Variants in NADK2 observed in about 807,000 individuals in gnomAD.
The protein encoded by NADK2 is NAD kinase 2, mitochondrial, also known as NAD kinase domain-containing protein 1, mitochondrial.
A neutral mutation model predicts 62.1 loss-of-function variants in NADK2; 35 were observed. The ratio of observed to expected loss-of-function variants is 0.56; its 90% CI spans 0.43 to 0.75. The LOEUF (loss-of-function observed/expected upper bound fraction) is 0.75, where lower values mean the gene tolerates loss of function less well. NADK2 is among the 30% of genes least tolerant of loss of function. The probability of loss-of-function intolerance (pLI) is 0.00; values close to 1 mark genes in which losing one functional copy is unlikely to be tolerated. For missense variants in NADK2, 439 were observed against 561.3 expected (o/e 0.78, Z 2.20); for synonymous variants, 205 against 207.9 (o/e 0.99, Z 0.12).
At chr5:36,213,828 A>G (rs1384140704) in intron 6 of NADK2, among the ~76,000 whole-genome samples, 1 of 152,020 alleles carries the variant, frequency 6.6e-6, no homozygotes, top group East Asian at 1.9e-4. Flanking sequence ...CAGATTTCCT[A>G]CAAATGCTCA....
chr5:36,238,465 T>C (rs1747989105), intron 1 of NADK2, among the ~76,000 whole-genome samples: 1 of 152,236 alleles, frequency 6.6e-6, no homozygotes, highest in Admixed American at 6.5e-5. Flanking sequence ...TTATTTGTTC[T>C]ACATTAAAAT....
intron 3 of NADK2, 75 bp from the exon 4 acceptor site, chr5:36,225,698 T>C: frequency 7.1e-7 from 1 of 1,401,306 alleles, no homozygotes; most frequent in Non-Finnish European, 1.0e-6. Flanking sequence ...ATTTTGAAAA[T>C]CAGTAGTTTT....
chr5:36,203,939 TG>T (rs1411131348), intron 8 of NADK2, among the ~76,000 whole-genome samples: 3 of 152,230 alleles, frequency 2.0e-5, no homozygotes, highest in Middle Eastern at 3.4e-3. Context: ...ATTTAAAAAT[TG>T]ACCTTCCCTT....
chr5:36,217,513 T>C (rs1052826341), intron 6 of NADK2, among the ~76,000 whole-genome samples: 3 of 152,186 alleles, frequency 2.0e-5, no homozygotes, highest in Non-Finnish European at 4.4e-5. Flanking sequence ...TCAGATACTT[T>C]ACAATCCTTC....
chr5:36,197,193 G>A (rs1346118129), intron 11 of NADK2, among the ~76,000 whole-genome samples: 2 of 151,918 alleles, frequency 1.3e-5, no homozygotes, highest in East Asian at 3.9e-4. Context: ...TGTTTATTGT[G>A]TTTTTATTCT....
chr5:36,207,064 C>T, intron 8 of NADK2, 106 bp downstream of exon 8: 5 of 857,332 alleles, frequency 5.8e-6, no homozygotes, highest in Non-Finnish European at 7.7e-6. Context: ...ACCTACATAA[C>T]ACCACCAGGA....
chr5:36,233,618 CCT>C (rs1326649486), intron 1 of NADK2, among the ~76,000 whole-genome samples: 7 of 152,244 alleles, frequency 4.6e-5, no homozygotes, highest in East Asian at 3.9e-4. Context: ...TAAATTCTTC[CCT>C]GTTATCTTTT....
intron 6 of NADK2, among the ~76,000 whole-genome samples, chr5:36,213,836 TCAA>T (rs1437222589): frequency 6.6e-6 from 1 of 151,974 alleles, no homozygotes; most frequent in Non-Finnish European, 1.5e-5. Flanking sequence ...CTACAAATGC[TCAA>T]CAATAGGTAC....
At chr5:36,218,979 G>C (rs146984131) in intron 5 of NADK2, among the ~76,000 whole-genome samples, 34 of 152,222 alleles carry the variant, frequency 2.2e-4, no homozygotes, top group African/African-American at 7.5e-4. Flanking sequence ...GACATGTAAC[G>C]AGGTTAAGAA....
In NADK2 at chr5:36,225,638, A is replaced by G; in HGVS notation, c.479-15T>C. 3 of 1,605,194 alleles carry G rather than the reference A, an allele frequency of 1.9e-6. No homozygotes were observed. The highest frequency in any genetic ancestry group is 2.5e-6 in the Non-Finnish European group (3 of 1,177,024). On this transcript the variant is annotated splice_polypyrimidine_tract_variant and intron_variant, in intron 3 of 11. Coordinates refer to ENST00000381937, the MANE Select transcript of NADK2 (RefSeq NM_001085411.3). ...TGTGCCATCACCTAAGGAACATAAG[A>G]CAAAATACAAGACATAACCAAATTT...
At chr5:36,211,778 C>T in intron 7 of NADK2, 66 bp downstream of exon 7, 1 of 1,341,094 alleles carries the variant, frequency 7.5e-7, no homozygotes, top group Non-Finnish European at 1.1e-6. Flanking sequence ...GTTGTAGAAA[C>T]TGAATAAATA....
At chr5:36,217,436 ACTG>A (rs1169312627) in intron 6 of NADK2, among the ~76,000 whole-genome samples, 2 of 151,710 alleles carry the variant, frequency 1.3e-5, no homozygotes, top group Non-Finnish European at 2.9e-5. Flanking sequence ...TTTCATCTCT[ACTG>A]CTTTTTTTTT....
rs1746437811 is a variant in NADK2, at chr5:36,201,288, TA to T, written c.957-128del. 7 of 743,862 alleles carry T rather than the reference TA, an allele frequency of 9.4e-6. No individual in the cohort carries two copies. The East Asian group carries it at 1.9e-4, about 20-fold the overall frequency. The allele number at this position is 743,862 out of a possible 1,614,324, so 46.1% of individuals were successfully genotyped here. On this transcript the variant is annotated intron_variant, in intron 8 of 11. Transcript: ENST00000381937. ...GGAGGAAGTTCTAAATGAACAAAGTTAAAAACTGGTAAATAATGTGCTAGTA... is the reference window on the plus strand; with the variant it reads ...GGAGGAAGTTCTAAATGAACAAAGTTAAAACTGGTAAATAATGTGCTAGTA...
At position 36,201,179 on chromosome 5, in the gene NADK2, A is replaced by G; in HGVS notation, c.957-18T>C. On this transcript the variant is annotated intron_variant, in intron 8 of 11. Coordinates refer to ENST00000381937, the MANE Select transcript of NADK2 (RefSeq NM_001085411.3). ...TGAATGACCTAGAAACAAAAATCAC[A>G]TAATTCTTAGTTTTAATTCTAAAAA... The G allele has an allele frequency of 2.5e-6, 4 of 1,602,174 alleles. No individual in the cohort carries two copies. Among genetic ancestry groups the G allele is most frequent in the Non-Finnish European group, 2.6e-6 (3 of 1,170,634 alleles).
rs1165737318 is a variant in NADK2, at chr5:36,241,851, C to T, written c.-53G>A. 5 of 1,223,974 alleles carry T rather than the reference C, an allele frequency of 4.1e-6. No homozygotes were observed. Among genetic ancestry groups the T allele is most frequent in the Non-Finnish European group, 5.1e-6 (5 of 980,334 alleles). 75.8% of individuals were successfully genotyped at this position (1,223,974 alleles called of 1,614,324 possible). A position where few individuals can be genotyped will look rare whatever the true frequency, so the allele number is the denominator to read the frequency against. ...GGGCTCGGGCCCCTTGCCTCAGCTC[C>T]CTACCGCCGGGAGTGCGCGCCGTCC... On this transcript the variant is annotated 5_prime_UTR_variant, in exon 1 of 12. Transcript: ENST00000381937. The surrounding 1 kb of genome is among the most constrained non-coding windows in gnomAD (Gnocchi z 4.9).
intron 8 of NADK2, among the ~76,000 whole-genome samples, chr5:36,204,814 G>A (rs1346673370): frequency 6.6e-6 from 1 of 151,870 alleles, no homozygotes; most frequent in Non-Finnish European, 1.5e-5. Context: ...GAATAAATAG[G>A]ACAAAAGTAG....
At chr5:36,226,871 C>T (rs1342483477) in intron 2 of NADK2, among the ~76,000 whole-genome samples, 3 of 152,100 alleles carry the variant, frequency 2.0e-5, no homozygotes, top group African/African-American at 7.2e-5. Flanking sequence ...TCTACTCCTT[C>T]TAATGCTTAA....
intron 9 of NADK2, among the ~76,000 whole-genome samples, chr5:36,200,866 A>C (rs141874645): frequency 6.6e-6 from 1 of 152,162 alleles, no homozygotes; most frequent in Non-Finnish European, 1.5e-5. Flanking sequence ...GAAGCCATAA[A>C]ATGCTTCCTT....
intron 1 of NADK2, among the ~76,000 whole-genome samples, chr5:36,230,465 A>G (rs974795945): frequency 6.6e-5 from 10 of 152,220 alleles, no homozygotes; most frequent in Non-Finnish European, 1.2e-4. Context: ...ATTTCCTGGT[A>G]TTTTTAAAAA....
Sources: allele counts gnomAD v4.1 joint callset (sites outside exome capture counted in the v4.1 genomes callset), GRCh38; gene constraint gnomAD v4.1.1; non-coding constraint Gnocchi (gnomAD v3.1); transcripts MANE v1.5; gene names NCBI Gene and HGNC (gene_info 2026-07-23, HGNC 2026-07-21).